TMEM217: variants seen among roughly 807,000 people sequenced by gnomAD.
TMEM217 encodes transmembrane protein 217.
For synonymous variants in TMEM217, 76 were observed against 88.3 expected (o/e 0.86, Z 0.78); for missense variants, 204 against 248.8 (o/e 0.82, Z 1.21).
chr6:37,222,082 G>A (rs1763553458), intron 1 of TMEM217, among the ~76,000 whole-genome samples: 1 of 152,160 alleles, frequency 6.6e-6, no homozygotes, highest in Admixed American at 6.5e-5. Flanking sequence ...TCGTCCTCTA[G>A]CCATCCTCTG....
intron 1 of TMEM217, among the ~76,000 whole-genome samples, chr6:37,226,676 C>T (rs1052268472): frequency 6.6e-6 from 1 of 152,146 alleles, no homozygotes; most frequent in Non-Finnish European, 1.5e-5. Flanking sequence ...ATTCTCCTGC[C>T]TCAGCCTCCT....
chr6:37,229,947 A>T (rs1188360931), intron 1 of TMEM217, among the ~76,000 whole-genome samples: 1 of 152,122 alleles, frequency 6.6e-6, no homozygotes, highest in Non-Finnish European at 1.5e-5. Context: ...GGCTAGCGGG[A>T]CCCTTCTTGG....
intron 1 of TMEM217, among the ~76,000 whole-genome samples, chr6:37,252,478 T>C (rs2113929089): frequency 6.6e-6 from 1 of 151,648 alleles, no homozygotes; most frequent in Non-Finnish European, 1.5e-5. Context: ...TATACATACA[T>C]AACATACATA....
intron 1 of TMEM217, among the ~76,000 whole-genome samples, chr6:37,229,335 G>GTTTTGT (rs1764040235): frequency 2.7e-5 from 2 of 74,368 alleles, no homozygotes; most frequent in African/African-American, 5.3e-5. Context: ...GCAACTTTCA[G>GTTTTGT]TTTTTTTTTT....
At chr6:37,212,621 T>C (rs1465616855) in exon 4 of TMEM217, 5 of 508,032 alleles carry the variant, frequency 9.8e-6, no homozygotes, top group South Asian at 7.7e-5. Context: ...TAACTCAGCG[T>C]CTTGAAGTGA....
Position 37,229,504 on chromosome 6 carries a change from G to A in TMEM217, c.-11-10463C>T, listed in dbSNP as rs112176544. On this transcript the variant is annotated intron_variant, in intron 1 of 1. Transcript: ENST00000357219. Reference sequence around the variant, plus strand: ...ACTACAGGCGCCCGCCACCACGCCCGGCTAATTTTTTGTATTTTTAGTAGA... The same window carrying A: ...ACTACAGGCGCCCGCCACCACGCCCAGCTAATTTTTTGTATTTTTAGTAGA... Among the ~76,000 whole-genome samples, 1,032 of 151,528 alleles carry A rather than the reference G, an allele frequency of 6.8e-3. 9 individuals are homozygous for A. Among genetic ancestry groups the A allele is most frequent in the African/African-American group, 0.022 (906 of 41,164 alleles).
At chr6:37,230,321 T>C (rs1199682648) in intron 1 of TMEM217, among the ~76,000 whole-genome samples, 1 of 152,224 alleles carries the variant, frequency 6.6e-6, no homozygotes, top group Admixed American at 6.5e-5. Flanking sequence ...AAGTCCCTTT[T>C]GCGTACTCAC....
exon 2 of TMEM217, chr6:37,218,557 G>C (rs761831074): frequency 1.1e-5 from 18 of 1,614,000 alleles, no homozygotes; most frequent in Non-Finnish European, 1.4e-5. Flanking sequence ...TATTGCCCTG[G>C]CTCCGGTTTT....
downstream of TMEM217, among the ~76,000 whole-genome samples, chr6:37,217,369 AATC>A (rs1315817118): frequency 6.6e-6 from 1 of 152,254 alleles, no homozygotes; most frequent in Non-Finnish European, 1.5e-5. Flanking sequence ...GATAGTATGT[AATC>A]ATATACTGTC....
chr6:37,216,864 T>C (rs184387395), downstream of TMEM217, among the ~76,000 whole-genome samples: 44 of 152,294 alleles, frequency 2.9e-4, no homozygotes, highest in African/African-American at 1.0e-3. Context: ...CCTTCTGCCA[T>C]GTAAGGACAG....
intron 1 of TMEM217, among the ~76,000 whole-genome samples, chr6:37,244,558 G>T (rs1415843662): frequency 6.6e-6 from 1 of 152,148 alleles, no homozygotes; most frequent in Non-Finnish European, 1.5e-5. Context: ...GTCTTTCTCT[G>T]TGTAAGTCAG....
chr6:37,226,578 T>C lies in TMEM217; in HGVS notation c.-11-7537A>G, dbSNP rs867312934. Among the ~76,000 whole-genome samples, 4 of 151,672 alleles carry C rather than the reference T, an allele frequency of 2.6e-5. No homozygotes were observed. The South Asian group carries it at 8.3e-4, about 32-fold the overall frequency. The stretch of plus-strand genomic sequence containing the variant: ...ACCCAAAGTGCTGGGATTACAGGCG[T>C]GAGCCACTGCGCCCGGCCGAGACAG... On this transcript the variant is annotated intron_variant, in intron 1 of 1. Coordinates refer to ENST00000357219, the Ensembl canonical transcript of TMEM217.
At chr6:37,238,883 C>T (rs896200871) in intron 1 of TMEM217, among the ~76,000 whole-genome samples, 6 of 152,222 alleles carry the variant, frequency 3.9e-5, no homozygotes, top group African/African-American at 1.4e-4. Context: ...GTAATCCCAG[C>T]AGTTTAGGAG....
Position 37,257,733 on chromosome 6 carries a change from AG to A in TMEM217, c.-178del, listed in dbSNP as rs1765843414. ...TGGTCGGCCCGTCCACGGCTTGCGC[AG>A]CTCACCAATGGCAGCGGTGCTGGGT... On this transcript the variant is annotated 5_prime_UTR_variant, in exon 1 of 2. The change abolishes the stop of an existing upstream ORF in the 5' untranslated region. Transcript: ENST00000357219. 1.6e-6 allele frequency: 1 copy of A among 614,802 alleles called. No individual in the cohort carries two copies. Among genetic ancestry groups the A allele is most frequent in the African/African-American group, 1.9e-5 (1 of 52,020 alleles). The allele number at this position is 614,802 out of a possible 1,614,324, so 38.1% of individuals were successfully genotyped here.
chr6:37,213,056 C>T (rs1281962500), downstream of TMEM217: 6 of 1,103,824 alleles, frequency 5.4e-6, no homozygotes, highest in South Asian at 6.2e-5. Context: ...TTAGACAAAT[C>T]CCCCAAGTCA....
At chr6:37,214,993 A>T (rs1763106422), downstream of TMEM217, among the ~76,000 whole-genome samples, 1 of 152,210 alleles carries the variant, frequency 6.6e-6, no homozygotes, top group Non-Finnish European at 1.5e-5. Flanking sequence ...GCCCTGAACC[A>T]CACAGTTTTC....
intron 1 of TMEM217, among the ~76,000 whole-genome samples, chr6:37,242,811 C>T (rs1764839426): frequency 6.6e-6 from 1 of 152,152 alleles, no homozygotes; most frequent in African/African-American, 2.4e-5. Flanking sequence ...TTTGGCCTTA[C>T]TTTTGTGGTC....
At chr6:37,215,628 C>T (rs769397990), downstream of TMEM217, among the ~76,000 whole-genome samples, 1 of 137,166 alleles carries the variant, frequency 7.3e-6, no homozygotes, top group East Asian at 2.0e-4. Context: ...ACTTACAATG[C>T]AACGTGATAA....
intron 1 of TMEM217, among the ~76,000 whole-genome samples, chr6:37,254,122 G>T (rs1290965453): frequency 6.6e-6 from 1 of 152,204 alleles, no homozygotes; most frequent in Non-Finnish European, 1.5e-5. Flanking sequence ...GAGGTCCATG[G>T]ATCAGCAGCA....
Sources: gnomAD v4.1 joint callset for allele counts (sites outside exome capture counted in the v4.1 genomes callset) on GRCh38, gnomAD v4.1.1 for gene constraint, MANE v1.5 for transcripts, NCBI Gene and HGNC (gene_info 2026-07-23, HGNC 2026-07-21) for gene names.